Variants in FAM135B observed in about 807,000 individuals in gnomAD.
FAM135B encodes protein FAM135B.
In FAM135B, 43 loss-of-function variants were observed where a neutral mutation model predicts 127.7. That is an observed-to-expected ratio of 0.34 (90% confidence interval 0.26 to 0.43). The LOEUF (loss-of-function observed/expected upper bound fraction) is 0.43. Ranked by LOEUF, FAM135B falls within the 20% of genes least tolerant of loss-of-function variation. The pLI, the probability that FAM135B is intolerant of heterozygous loss-of-function variation, is 1.00. For synonymous variants in FAM135B, 670 were observed against 665.1 expected (o/e 1.01, Z -0.11); for missense variants, 1,558 against 1,725.6 (o/e 0.90, Z 1.72).
At chr8:138,266,920 C>T (rs1236389206) in intron 3 of FAM135B, among the ~76,000 whole-genome samples, 1 of 152,084 alleles carries the variant, frequency 6.6e-6, no homozygotes, top group Admixed American at 6.6e-5. Flanking sequence ...AACTATATGG[C>T]ATTTTACAAG....
intron 13 of FAM135B, among the ~76,000 whole-genome samples, chr8:138,149,268 C>G (rs1817926002): frequency 6.6e-6 from 1 of 152,028 alleles, no homozygotes; most frequent in Non-Finnish European, 1.5e-5. Context: ...GACAGAGTGA[C>G]AGGACATCAA....
rs570506601 is a variant in FAM135B at position 138,178,239 on chromosome 8, C to A, written c.1029+296G>T. On this transcript the variant is annotated intron_variant, in intron 10 of 19. Transcript: ENST00000395297. ...CTCCAGTCTGGGTGACAGAGCGAGA[C>A]ACCATCTCAAAGAAAAAAAAAAAAA... 6.2e-5 allele frequency among the ~76,000 whole-genome samples: 9 copies of A among 144,062 alleles called. No homozygotes were observed. In the East Asian group the frequency reaches 1.6e-3, roughly 26 times the overall value. 94.5% of individuals were successfully genotyped at this position (144,062 alleles called of 152,430 possible).
At chr8:138,462,120 G>C (rs1342521696) in intron 1 of FAM135B, among the ~76,000 whole-genome samples, 1 of 151,878 alleles carries the variant, frequency 6.6e-6, no homozygotes, top group African/African-American at 2.4e-5. Context: ...GAAATGAGAA[G>C]AAAAAGAAAG....
chr8:138,202,625 C>T (rs1250436858), intron 7 of FAM135B, among the ~76,000 whole-genome samples: 2 of 152,176 alleles, frequency 1.3e-5, no homozygotes, highest in African/African-American at 4.8e-5. Flanking sequence ...ACAGCAGGTG[C>T]ATCACCTGAA....
In FAM135B at chr8:138,292,891, G is replaced by GA. The variant is rs200279249; in HGVS notation, c.157+17949dup. 7.9e-3 allele frequency among the ~76,000 whole-genome samples: 1,197 copies of GA among 151,082 alleles called. 10 individuals are homozygous for GA. Among genetic ancestry groups the GA allele is most frequent in the Non-Finnish European group, 0.013 (874 of 67,624 alleles). On this transcript the variant is annotated intron_variant, in intron 3 of 19. Transcript: ENST00000395297. Reference sequence around the variant, plus strand: ...AATACCGTCATCTTTCACAGAATTAGAAAAAAAAATCCTAAACTTCATGTG... The same window carrying GA: ...AATACCGTCATCTTTCACAGAATTAGAAAAAAAAAATCCTAAACTTCATGTG...
At chr8:138,298,218 A>C (rs927557571) in intron 3 of FAM135B, among the ~76,000 whole-genome samples, 3 of 152,220 alleles carry the variant, frequency 2.0e-5, no homozygotes, top group African/African-American at 7.2e-5. Context: ...TGATCTGCTG[A>C]AAGTAACATT....
chr8:138,427,190 T>C (rs1834935883), intron 1 of FAM135B, among the ~76,000 whole-genome samples: 1 of 150,432 alleles, frequency 6.6e-6, no homozygotes, highest in South Asian at 2.1e-4. Flanking sequence ...CAAAAGGGAG[T>C]TTTGGGGGTG....
chr8:138,150,513 CA>C (rs1221464401), intron 13 of FAM135B, among the ~76,000 whole-genome samples: 22 of 151,994 alleles, frequency 1.4e-4, no homozygotes, highest in Non-Finnish European at 7.4e-5. Context: ...ACTAAAAGTA[CA>C]AAAATTAGCT....
At chr8:138,296,977 A>G (rs1245586247) in intron 3 of FAM135B, among the ~76,000 whole-genome samples, 1 of 152,150 alleles carries the variant, frequency 6.6e-6, no homozygotes, top group East Asian at 1.9e-4. Flanking sequence ...CACATAGCCC[A>G]ATTTGTCATG....
intron 2 of FAM135B, among the ~76,000 whole-genome samples, chr8:138,313,211 A>C (rs1394660985): frequency 6.6e-6 from 1 of 151,990 alleles, no homozygotes; most frequent in African/African-American, 2.4e-5. Context: ...GGCTCACTGC[A>C]ACTTCCGTCT....
intron 3 of FAM135B, among the ~76,000 whole-genome samples, chr8:138,303,209 G>C (rs1396513249): frequency 6.6e-6 from 1 of 152,094 alleles, no homozygotes; most frequent in African/African-American, 2.4e-5. Context: ...TGATAGACTG[G>C]ATAAAGAAAA....
chr8:138,472,939 T>C (rs1458899215), intron 1 of FAM135B, among the ~76,000 whole-genome samples: 1 of 152,186 alleles, frequency 6.6e-6, no homozygotes, highest in African/African-American at 2.4e-5. Flanking sequence ...GCACATTTTA[T>C]CTGGAGGTCA....
At chr8:138,226,184 T>TGTGCGCGCGCGCGC in intron 7 of FAM135B, among the ~76,000 whole-genome samples, 6 of 139,292 alleles carry the variant, frequency 4.3e-5, no homozygotes, top group African/African-American at 1.3e-4. Flanking sequence ...TGTGTGTGTG[T>TGTGCGCGCGCGCGC]GCGCGCATGT....
At chr8:138,417,196 C>T (rs866149974) in intron 1 of FAM135B, among the ~76,000 whole-genome samples, 3 of 152,178 alleles carry the variant, frequency 2.0e-5, no homozygotes, top group African/African-American at 7.2e-5. Flanking sequence ...GCTATCTTTC[C>T]CATGGGAGGG....
intron 4 of FAM135B, among the ~76,000 whole-genome samples, chr8:138,264,312 G>A (rs968893976): frequency 6.6e-6 from 1 of 152,206 alleles, no homozygotes; most frequent in African/African-American, 2.4e-5. Flanking sequence ...TTGTGTTGAA[G>A]GTTGTGCTGA....
chr8:138,439,318 T>C (rs1835633735), intron 1 of FAM135B: 1 of 152,186 alleles, frequency 6.6e-6, no homozygotes. Context: ...GGACAATAAA[T>C]GACGTTCAAG....
chr8:138,389,854 G>A (rs1832443398), intron 1 of FAM135B, among the ~76,000 whole-genome samples: 1 of 152,174 alleles, frequency 6.6e-6, no homozygotes, highest in African/African-American at 2.4e-5. Flanking sequence ...ACGAAATCAA[G>A]TCCTTCTCTC....
At chr8:138,194,476 ACT>A (rs1816444481) in intron 9 of FAM135B, among the ~76,000 whole-genome samples, 1 of 152,152 alleles carries the variant, frequency 6.6e-6, no homozygotes, top group Non-Finnish European at 1.5e-5. Context: ...AATCCCAGAT[ACT>A]CTGTTTCAGC....
rs2130390738 is a variant in FAM135B, at chr8:138,243,158, A to G, written c.543-90T>C. On this transcript the variant is annotated intron_variant, in intron 6 of 19. Coordinates refer to ENST00000395297, the MANE Select transcript of FAM135B (RefSeq NM_015912.4). The surrounding 1 kb of genome is among the most constrained non-coding windows in gnomAD (Gnocchi z 7.5). ...GCCCCTTTGAGGAGTGTTCCTGTGA[A>G]GCATTTGGGATAAGTCATTTAGGAG... 1.4e-6 allele frequency: 2 copies of G among 1,456,012 alleles called. No homozygotes were observed. The highest frequency in any genetic ancestry group is 2.9e-5 in the South Asian group (2 of 70,064). 90.2% of individuals were successfully genotyped at this position (1,456,012 alleles called of 1,614,324 possible). A position where few individuals can be genotyped will look rare whatever the true frequency, so the allele number is the denominator to read the frequency against.
Sources: allele counts gnomAD v4.1 joint callset (sites outside exome capture counted in the v4.1 genomes callset), GRCh38; gene constraint gnomAD v4.1.1; non-coding constraint Gnocchi (gnomAD v3.1); transcripts MANE v1.5; gene names NCBI Gene and HGNC (gene_info 2026-07-23, HGNC 2026-07-21).